ZNF827: variants seen among roughly 807,000 people sequenced by gnomAD.
ZNF827 encodes the protein zinc finger protein 827.
A neutral mutation model predicts 102.4 loss-of-function variants in ZNF827; 13 were observed. That is an observed-to-expected ratio of 0.13 (90% CI 0.08 to 0.20). The LOEUF (loss-of-function observed/expected upper bound fraction) is 0.20, where lower values mean the gene tolerates loss of function less well. ZNF827 is among the 10% of genes least tolerant of loss of function. The pLI is 1.00. For missense variants in ZNF827, 1,103 were observed against 1,344.4 expected (o/e 0.82, Z 2.81); for synonymous variants, 523 against 536.2 (o/e 0.98, Z 0.34).
intron 8 of ZNF827, 113 bp downstream of exon 8, chr4:145,823,309 C>G: frequency 2.4e-6 from 2 of 844,312 alleles, no homozygotes; most frequent in Non-Finnish European, 3.8e-6. Context: ...TAAAACCTAA[C>G]CTTATATGAA....
intron 7 of ZNF827, among the ~76,000 whole-genome samples, chr4:145,838,386 C>T (rs1376955026): frequency 1.3e-5 from 2 of 152,148 alleles, no homozygotes; most frequent in South Asian, 2.1e-4. Context: ...ACGGCCCCAC[C>T]CTTAACTCCC....
intron 8 of ZNF827, among the ~76,000 whole-genome samples, chr4:145,812,089 A>ATT (rs751575131): frequency 1.2e-3 from 157 of 132,818 alleles, no homozygotes; most frequent in African/African-American, 4.1e-3. Flanking sequence ...TACTTTTTGC[A>ATT]TTTTTTTTTT....
chr4:145,774,539 C>G lies in ZNF827; in HGVS notation c.2827G>C (p.Glu943Gln), dbSNP rs138244394. The change falls in exon 11 of 15, where the codon GAG (glutamate) becomes CAG (glutamine). Residue 943 changes from glutamate (E) to glutamine (Q), a missense_variant. Coordinates refer to ENST00000508784, the MANE Select transcript of ZNF827 (RefSeq NM_001306215.2). ...TTGGTGCCAATGTGAGTCTTTATCT[C>G]TGCTTCCTCCATGGTGACGAAGTCG... ...ACDFVTMEEA[E>Q]IKTHIGTKHT... is the part of the protein sequence containing the mutation. 1 of 1,611,986 alleles carries G rather than the reference C, an allele frequency of 6.2e-7. No homozygotes were observed. The highest frequency in any genetic ancestry group is 1.3e-5 in the African/African-American group (1 of 74,910).
At position 145,878,800 on chromosome 4, in the gene ZNF827, C is replaced by T. The variant is rs6811859; in HGVS notation, c.1747+6878G>A. On this transcript the variant is annotated intron_variant, in intron 4 of 14. Transcript: ENST00000508784. Reference sequence around the variant, plus strand: ...GGAAAGGAGGAAGGAAGGAAAAGAGCTAGCCAGACAGGAGCATGATCTGAT... The same window carrying T: ...GGAAAGGAGGAAGGAAGGAAAAGAGTTAGCCAGACAGGAGCATGATCTGAT... Among the ~76,000 whole-genome samples, 159 of 148,308 alleles carry T rather than the reference C, an allele frequency of 1.1e-3. No individual in the cohort carries two copies. In the Middle Eastern group the frequency reaches 0.014, roughly 13 times the overall value.
chr4:145,763,204 A>G lies in ZNF827; in HGVS notation c.3231-82T>C. 7.2e-7 allele frequency: 1 copy of G among 1,397,028 alleles called. No homozygotes were observed. Among genetic ancestry groups the G allele is most frequent in the Non-Finnish European group, 9.7e-7 (1 of 1,031,380 alleles). 86.5% of individuals were successfully genotyped at this position (1,397,028 alleles called of 1,614,324 possible). A position where few individuals can be genotyped will look rare whatever the true frequency, so the allele number is the denominator to read the frequency against. On this transcript the variant is annotated intron_variant, in intron 13 of 14. Transcript: ENST00000508784. This position sits in a 1 kb window ranked among gnomAD's most constrained non-coding sequence, Gnocchi z 4.6. ...TATAGAGTACAAGCAGTTCCATCAC[A>G]GAAAAGCAATTTAGACATCAGCAGT...
At chr4:145,779,638 C>T (rs1737659722) in intron 8 of ZNF827, 127 bp from the exon 9 acceptor site, 3 of 1,286,694 alleles carry the variant, frequency 2.3e-6, no homozygotes, top group Non-Finnish European at 3.2e-6. Flanking sequence ...AAATGAGTCT[C>T]CGTAACTGGT....
intron 7 of ZNF827, among the ~76,000 whole-genome samples, chr4:145,823,946 A>C (rs1195251103): frequency 1.3e-5 from 2 of 152,208 alleles, no homozygotes; most frequent in Non-Finnish European, 2.9e-5. Flanking sequence ...CTGATCCCTC[A>C]GGGACCCACT....
At position 145,902,362 on chromosome 4, in the gene ZNF827, C is replaced by T. The variant is rs769605559; in HGVS notation, c.897G>A (p.Ala299=). The change falls in exon 2 of 15, where the codon GCG becomes GCA. Residue 299 remains alanine (A), a synonymous_variant. Coordinates refer to ENST00000508784, the MANE Select transcript of ZNF827 (RefSeq NM_001306215.2). This position sits in a 1 kb window ranked among gnomAD's most constrained non-coding sequence, Gnocchi z 4.3. ...ATGATTTCTCAGCCAGAAGACTGCC[C>T]GCAGCCCTTGCGGCCACCTCCTTCA... ...ALLKEVAARA[A]GSLLAEKSSL... 3.3e-5 allele frequency: 53 copies of T among 1,610,860 alleles called. No homozygotes were observed. The highest frequency in any genetic ancestry group is 2.4e-4 in the African/African-American group (18 of 74,696).
Position 145,809,593 on chromosome 4 carries a change from G to T in ZNF827, c.2383+13829C>A, listed in dbSNP as rs535491818. Among the ~76,000 whole-genome samples the T allele has an allele frequency of 4.5e-4, 69 of 152,286 alleles. 1 individual carries two copies. The Middle Eastern group carries it at 0.01, about 23-fold the overall frequency. ...CTGCTCAGGAGTCACGTGGCCAGAGGTCACAAGATGTGTCTTCCCCAGTTG... is the reference window on the plus strand; with the variant it reads ...CTGCTCAGGAGTCACGTGGCCAGAGTTCACAAGATGTGTCTTCCCCAGTTG... On this transcript the variant is annotated intron_variant, in intron 8 of 14. Coordinates refer to ENST00000508784, the MANE Select transcript of ZNF827 (RefSeq NM_001306215.2).
rs1754414415 is a variant in ZNF827, at chr4:145,938,679, A to G, written c.-272T>C. The G allele has an allele frequency of 2.1e-6, 1 of 478,998 alleles. No individual in the cohort carries two copies. The highest frequency in any genetic ancestry group is 2.6e-5 in the South Asian group (1 of 39,012). 29.7% of individuals were successfully genotyped at this position (478,998 alleles called of 1,614,324 possible). On this transcript the variant is annotated 5_prime_UTR_variant, in exon 1 of 15. Transcript: ENST00000508784. Reference sequence around the variant, plus strand: ...CACCTGGCTTGTCCCCGAGCGTAATATTCTTCAATGGAAACGGATCTAATA... The same window carrying G: ...CACCTGGCTTGTCCCCGAGCGTAATGTTCTTCAATGGAAACGGATCTAATA...
At chr4:145,813,346 A>G (rs1470454122) in intron 8 of ZNF827, among the ~76,000 whole-genome samples, 1 of 152,232 alleles carries the variant, frequency 6.6e-6, no homozygotes, top group Non-Finnish European at 1.5e-5. Context: ...CTTTTATTAT[A>G]GTATGTTGTT....
Position 145,902,550 on chromosome 4 carries a change from A to G in ZNF827, c.709T>C (p.Phe237Leu). The G allele has an allele frequency of 1.2e-6, 2 of 1,614,154 alleles. No homozygotes were observed. Among genetic ancestry groups the G allele is most frequent in the Non-Finnish European group, 1.7e-6 (2 of 1,180,024 alleles). The change falls in exon 2 of 15, where the codon TTT becomes CTT. Residue 237 changes from phenylalanine to leucine, a missense_variant. By Grantham distance (22) the Phe-to-Leu change is conservative. This residue lies in a region of ZNF827 where 441 missense variants were observed against 458.6 expected (regional missense o/e 0.96). Coordinates refer to ENST00000508784, the MANE Select transcript of ZNF827 (RefSeq NM_001306215.2). This position sits in a 1 kb window ranked among gnomAD's most constrained non-coding sequence, Gnocchi z 4.3. ...CTAAAAGGGGAGGAAAAGGACTCAA[A>G]TCGCATGGTCTCCTCAGTCCTGGTG... ...SLTRTEETMR[F>L]ESFSSPFSSQ...
rs907592293 is a variant in ZNF827, at chr4:145,760,447, AACAAG to A, written c.*1164_*1168del. On this transcript the variant is annotated 3_prime_UTR_variant, in exon 15 of 15. Transcript: ENST00000508784. ...ATTAAGGACACTCTCTTTAGGGTTTAACAAGACAAGATTCCTTTCAGAGAAAAGTA... is the reference window on the plus strand; with the variant it reads ...ATTAAGGACACTCTCTTTAGGGTTTAACAAGATTCCTTTCAGAGAAAAGTA... 6.5e-6 allele frequency: 1 copy of A among 154,602 alleles called. No individual in the cohort carries two copies. Among genetic ancestry groups the A allele is most frequent in the Non-Finnish European group, 1.4e-5 (1 of 69,802 alleles). The allele number at this position is 154,602 out of a possible 1,614,324, so 9.6% of individuals were successfully genotyped here. A position where few individuals can be genotyped will look rare whatever the true frequency, so the allele number is the denominator to read the frequency against.
At chr4:145,820,579 C>T (rs1302133873) in intron 8 of ZNF827, among the ~76,000 whole-genome samples, 1 of 152,188 alleles carries the variant, frequency 6.6e-6, no homozygotes, top group African/African-American at 2.4e-5. Flanking sequence ...TTCTGGCTTC[C>T]CTATTTCTGC....
chr4:145,910,114 A>T lies in ZNF827; in HGVS notation c.44-6899T>A, dbSNP rs552884746. Among the ~76,000 whole-genome samples the T allele has an allele frequency of 5.3e-5, 8 of 152,324 alleles. No homozygotes were observed. In the South Asian group the frequency reaches 1.7e-3, roughly 32 times the overall value. ...GCAAAGGCATGAGGAAGTGAGAGGA[A>T]GTCTGGAGACGAGAGTAGTCCACAC... On this transcript the variant is annotated intron_variant, in intron 1 of 14. Coordinates refer to ENST00000508784, the MANE Select transcript of ZNF827 (RefSeq NM_001306215.2).
At chr4:145,862,351 A>C (rs1411232458) in intron 5 of ZNF827, among the ~76,000 whole-genome samples, 1 of 152,150 alleles carries the variant, frequency 6.6e-6, no homozygotes, top group East Asian at 1.9e-4. Flanking sequence ...CCTTCAAGAG[A>C]AGATTTCTCT....
chr4:145,798,678 TAAC>T lies in ZNF827; in HGVS notation c.2384-19170_2384-19168del, dbSNP rs1478577806. Among the ~76,000 whole-genome samples, 13 of 152,128 alleles carry T rather than the reference TAAC, an allele frequency of 8.5e-5. No individual in the cohort carries two copies. In the East Asian group the frequency reaches 2.1e-3, roughly 25 times the overall value. The stretch of plus-strand genomic sequence containing the variant: ...ATAAGATTTGTCTCAATAATAATAA[TAAC>T]AACAATAATAATAATTTTTAAAAAG... On this transcript the variant is annotated intron_variant, in intron 8 of 14. Coordinates refer to ENST00000508784, the MANE Select transcript of ZNF827 (RefSeq NM_001306215.2).
intron 11 of ZNF827, among the ~76,000 whole-genome samples, chr4:145,768,745 C>A (rs532939235): frequency 2.0e-4 from 29 of 146,490 alleles, no homozygotes; most frequent in African/African-American, 7.1e-4. Context: ...GTAATCCCAG[C>A]TACTTGGGAG....
intron 7 of ZNF827, among the ~76,000 whole-genome samples, chr4:145,827,117 A>G (rs1355608995): frequency 6.6e-6 from 1 of 152,210 alleles, no homozygotes; most frequent in Non-Finnish European, 1.5e-5. Context: ...CCTATTTTAC[A>G]GATGTGGAGA....
Sources: allele counts gnomAD v4.1 joint callset (sites outside exome capture counted in the v4.1 genomes callset), GRCh38; gene constraint gnomAD v4.1.1; regional missense constraint gnomAD v4.1.1; non-coding constraint Gnocchi (gnomAD v3.1); transcripts MANE v1.5; gene names NCBI Gene and HGNC (gene_info 2026-07-23, HGNC 2026-07-21).